Variants in PCDH11X observed in about 807,000 individuals in gnomAD.
The protein encoded by PCDH11X is protocadherin 11 X-linked, also known as protocadherin-11 X-linked.
Under a neutral mutation model 53.3 loss-of-function variants are expected in PCDH11X, and 18 were observed. The observed-to-expected ratio is 0.34, with a 90% CI of 0.23 to 0.50. The LOEUF (loss-of-function observed/expected upper bound fraction) is 0.50. Among genes scored for constraint, PCDH11X ranks in the 20% least tolerant of loss-of-function variants. The pLI is 0.98. For missense variants in PCDH11X, 570 were observed against 1,032.4 expected (o/e 0.55, Z 6.14); for synonymous variants, 279 against 393.3 (o/e 0.71, Z 3.44).
intron 7 of PCDH11X, among the ~76,000 whole-genome samples, chrX:92,237,080 G>A (rs892193668): frequency 1.8e-5 from 2 of 111,396 alleles, no homozygotes; most frequent in African/African-American, 6.5e-5. Flanking sequence ...ATTGGAGTCT[G>A]TGCAGGAGAA....
At chrX:92,361,527 T>C (rs1352248936) in intron 8 of PCDH11X, among the ~76,000 whole-genome samples, 1 of 111,666 alleles carries the variant, frequency 9.0e-6, no homozygotes, top group Non-Finnish European at 1.9e-5. Context: ...TCAGGTGACA[T>C]TTCTCAGTCC....
intron 6 of PCDH11X, among the ~76,000 whole-genome samples, chrX:92,127,103 T>C (rs1418133008): frequency 9.0e-6 from 1 of 111,395 alleles, no homozygotes; most frequent in Non-Finnish European, 1.9e-5. Flanking sequence ...AACAGAGATA[T>C]ATGAATCTAA....
intron 1 of PCDH11X, among the ~76,000 whole-genome samples, chrX:91,808,543 A>C (rs1181338282): frequency 1.8e-5 from 2 of 110,428 alleles, no homozygotes; most frequent in Non-Finnish European, 3.8e-5. Flanking sequence ...GTCATTGATA[A>C]ATCTATCACT....
chrX:92,362,002 C>T (rs35292882), intron 8 of PCDH11X, among the ~76,000 whole-genome samples: 3 of 111,300 alleles, frequency 2.7e-5, no homozygotes, highest in Admixed American at 9.6e-5. Context: ...AAATACCTTC[C>T]GTTTTAAAGT....
At chrX:91,987,683 T>G (rs978575436) in intron 6 of PCDH11X, among the ~76,000 whole-genome samples, 9 of 111,139 alleles carry the variant, frequency 8.1e-5, no homozygotes, top group Non-Finnish European at 1.5e-4. Context: ...GAAACACTCA[T>G]TTTCATTTTG....
At chrX:92,573,238 G>T (rs1219588627) in intron 10 of PCDH11X, among the ~76,000 whole-genome samples, 1 of 111,492 alleles carries the variant, frequency 9.0e-6, no homozygotes, top group Admixed American at 9.6e-5. Flanking sequence ...AATATTACTA[G>T]ATGACCCCTT....
chrX:91,828,055 T>A (rs1250629562), intron 4 of PCDH11X, among the ~76,000 whole-genome samples: 1 of 111,009 alleles, frequency 9.0e-6, no homozygotes, highest in African/African-American at 3.3e-5. Flanking sequence ...TATTTATTCT[T>A]TCTATCCATG....
intron 6 of PCDH11X, among the ~76,000 whole-genome samples, chrX:92,154,785 C>G (rs1487273259): frequency 1.8e-3 from 180 of 101,819 alleles, no homozygotes; most frequent in African/African-American, 6.3e-3. Context: ...CACCGAGCGG[C>G]CCGATTCCGG....
intron 6 of PCDH11X, among the ~76,000 whole-genome samples, chrX:92,069,223 A>G (rs1467971986): frequency 9.1e-6 from 1 of 109,901 alleles, no homozygotes; most frequent in Non-Finnish European, 1.9e-5. Flanking sequence ...ATCATTGTAT[A>G]ATGACCATTA....
chrX:92,467,743 G>A (rs1381066354), intron 9 of PCDH11X, among the ~76,000 whole-genome samples: 4 of 111,168 alleles, frequency 3.6e-5, no homozygotes, highest in Non-Finnish European at 7.6e-5. Context: ...GAAGACAATG[G>A]TATTATAGAA....
At chrX:92,539,138 A>C (rs1261808729) in intron 10 of PCDH11X, among the ~76,000 whole-genome samples, 5 of 109,425 alleles carry the variant, frequency 4.6e-5, no homozygotes, top group African/African-American at 1.7e-4. Flanking sequence ...ATGTTGATTT[A>C]TTTCTCTAGA....
intron 6 of PCDH11X, among the ~76,000 whole-genome samples, chrX:91,965,756 G>A (rs2061854505): frequency 8.9e-6 from 1 of 111,867 alleles, no homozygotes; most frequent in Admixed American, 9.5e-5. Context: ...GTTAAACATT[G>A]GCTTACAAGA....
chrX:91,810,998 G>C (rs1010965344), intron 3 of PCDH11X: 6 of 143,664 alleles, frequency 4.2e-5, no homozygotes, highest in Admixed American at 3.8e-4. Flanking sequence ...GGATAGCAGA[G>C]ACTTCACTCC....
intron 6 of PCDH11X, among the ~76,000 whole-genome samples, chrX:92,112,733 C>T (rs1273030074): frequency 9.3e-6 from 1 of 107,409 alleles, no homozygotes; most frequent in African/African-American, 3.7e-5. Context: ...GTTTGTTCAG[C>T]CATTTTTCAA....
chrX:91,847,145 TTG>T (rs754247208), intron 5 of PCDH11X, among the ~76,000 whole-genome samples: 32 of 106,598 alleles, frequency 3.0e-4, no homozygotes, highest in South Asian at 1.7e-3. Context: ...TTTGTGTCCT[TTG>T]TGTGTGTGTG....
At chrX:92,088,387 C>G (rs6652290) in intron 6 of PCDH11X, among the ~76,000 whole-genome samples, 2,571 of 110,499 alleles carry the variant, frequency 0.023, 71 homozygotes, top group African/African-American at 0.081. Context: ...AAGGAATTCT[C>G]TTTTTTAATG....
intron 6 of PCDH11X, among the ~76,000 whole-genome samples, chrX:92,137,161 T>G (rs951740966): frequency 9.1e-6 from 1 of 109,983 alleles, no homozygotes; most frequent in African/African-American, 3.3e-5. Flanking sequence ...GCCCAGTTAG[T>G]CTTCTTATAC....
At chrX:92,175,734 G>GT (rs1423178275) in intron 6 of PCDH11X, among the ~76,000 whole-genome samples, 2 of 92,283 alleles carry the variant, frequency 2.2e-5, no homozygotes, top group Non-Finnish European at 4.2e-5. Flanking sequence ...CCTGAAAAGA[G>GT]TATTTGTGTG....
chrX:92,461,297 AC>A, intron 9 of PCDH11X, among the ~76,000 whole-genome samples: 1 of 108,368 alleles, frequency 9.2e-6, no homozygotes, highest in South Asian at 4.1e-4. Flanking sequence ...ATAGTACCTG[AC>A]TTCAAATTAT....
Sources: gnomAD v4.1 joint callset for allele counts (sites outside exome capture counted in the v4.1 genomes callset) on GRCh38, gnomAD v4.1.1 for gene constraint, MANE v1.5 for transcripts, NCBI Gene and HGNC (gene_info 2026-07-23, HGNC 2026-07-21) for gene names.